The following UBAC2 variants were observed in gnomAD, a reference collection of about 807,000 sequenced individuals.
The protein encoded by UBAC2 is ubiquitin-associated domain-containing protein 2.
A neutral mutation model predicts 44.0 loss-of-function variants in UBAC2; 26 were observed. The ratio of observed to expected loss-of-function variants is 0.59; its 90% CI spans 0.43 to 0.82. The LOEUF is 0.82. Among genes scored for constraint, UBAC2 ranks in the 40% least tolerant of loss-of-function variants. The pLI is 0.00. For synonymous variants in UBAC2, 155 were observed against 154.3 expected (o/e 1.00, Z -0.04); for missense variants, 329 against 419.4 (o/e 0.78, Z 1.88).
At chr13:99,210,791 T>C (rs1185223201) in intron 1 of UBAC2, among the ~76,000 whole-genome samples, 1 of 152,134 alleles carries the variant, frequency 6.6e-6, no homozygotes, top group East Asian at 1.9e-4. Context: ...TTTATACTTG[T>C]AGTAGAGACG....
chr13:99,200,893 C>G lies in UBAC2; in HGVS notation c.-16C>G, dbSNP rs1181112131. 7.7e-7 allele frequency: 1 copy of G among 1,303,244 alleles called. No homozygotes were observed. The highest frequency in any genetic ancestry group is 9.8e-7 in the Non-Finnish European group (1 of 1,018,046). 80.7% of individuals were successfully genotyped at this position (1,303,244 alleles called of 1,614,324 possible). On this transcript the variant is annotated 5_prime_UTR_variant, in exon 1 of 9. Transcript: ENST00000403766. ...CCTCCCCCGGCGCCCTCTGGGGCTC[C>G]GAGCCCGGCGGGACCATGTTCACCA...
At chr13:99,223,542 G>GTTTT (rs145143990) in intron 1 of UBAC2, among the ~76,000 whole-genome samples, 17 of 62,436 alleles carry the variant, frequency 2.7e-4, no homozygotes, top group East Asian at 5.1e-4. Flanking sequence ...CTCTTTTTCT[G>GTTTT]TTTTTTTTTT....
chr13:99,356,350 A>G, intron 7 of UBAC2: 1 of 367,570 alleles, frequency 2.7e-6, no homozygotes, highest in South Asian at 2.2e-5. Context: ...CTAGAGCAAG[A>G]CAGAGGAAGA....
intron 7 of UBAC2, among the ~76,000 whole-genome samples, chr13:99,348,771 G>A (rs897993352): frequency 1.4e-4 from 22 of 152,204 alleles, no homozygotes; most frequent in African/African-American, 5.3e-4. Context: ...AGCGCTTTGG[G>A]AGGCCAAGGC....
At chr13:99,319,244 T>G (rs766947867) in intron 6 of UBAC2, among the ~76,000 whole-genome samples, 27 of 152,246 alleles carry the variant, frequency 1.8e-4, no homozygotes, top group Non-Finnish European at 3.4e-4. Flanking sequence ...GGAGTTTTAT[T>G]CTTCATCCAT....
At chr13:99,315,801 T>C (rs893476032) in intron 5 of UBAC2, among the ~76,000 whole-genome samples, 6 of 152,164 alleles carry the variant, frequency 3.9e-5, no homozygotes, top group African/African-American at 1.4e-4. Flanking sequence ...ATTGTAAATG[T>C]ATTTCTTGTT....
intron 4 of UBAC2, 88 bp downstream of exon 4, chr13:99,244,712 A>G (rs2043360596): frequency 1.3e-6 from 1 of 797,334 alleles, no homozygotes; most frequent in Non-Finnish European, 2.0e-6. Flanking sequence ...TCAGTAAAAT[A>G]ATATTTTAAA....
At chr13:99,223,542 G>GTTTTTTTTTTTTTTTTT (rs145143990) in intron 1 of UBAC2, among the ~76,000 whole-genome samples, 10 of 62,446 alleles carry the variant, frequency 1.6e-4, no homozygotes, top group East Asian at 5.1e-4. Context: ...CTCTTTTTCT[G>GTTTTTTTTTTTTTTTTT]TTTTTTTTTT....
intron 7 of UBAC2, among the ~76,000 whole-genome samples, chr13:99,350,058 C>T (rs2045058270): frequency 6.6e-6 from 1 of 152,200 alleles, no homozygotes; most frequent in Non-Finnish European, 1.5e-5. Flanking sequence ...AATGTCCCTT[C>T]AGCACCTGAC....
At chr13:99,383,714 C>G (rs1467774864) in intron 8 of UBAC2, among the ~76,000 whole-genome samples, 1 of 152,138 alleles carries the variant, frequency 6.6e-6, no homozygotes, top group African/African-American at 2.4e-5. Flanking sequence ...TAGTCCTCAC[C>G]CACTGAGTGG....
At chr13:99,273,886 T>G (rs935100160) in intron 4 of UBAC2, among the ~76,000 whole-genome samples, 2 of 151,844 alleles carry the variant, frequency 1.3e-5, no homozygotes, top group African/African-American at 2.4e-5. Context: ...TTTCCTGCTT[T>G]CTTTCTCTGT....
At chr13:99,333,100 G>A (rs1008989533) in intron 6 of UBAC2, among the ~76,000 whole-genome samples, 2 of 151,976 alleles carry the variant, frequency 1.3e-5, no homozygotes, top group Admixed American at 6.5e-5. Flanking sequence ...CGTCTCTGGG[G>A]GGGGAAGAAA....
chr13:99,292,771 T>G (rs1330981473), intron 4 of UBAC2, among the ~76,000 whole-genome samples: 3 of 151,948 alleles, frequency 2.0e-5, no homozygotes, highest in African/African-American at 7.3e-5. Context: ...TTTCCCAGAT[T>G]AGTTTTTCTA....
intron 4 of UBAC2, among the ~76,000 whole-genome samples, chr13:99,309,144 C>T (rs1362201257): frequency 6.6e-6 from 1 of 151,612 alleles, no homozygotes; most frequent in African/African-American, 2.4e-5. Flanking sequence ...GACAGAGTCT[C>T]GCTCTCACCA....
At chr13:99,373,854 A>G (rs2045443502) in intron 8 of UBAC2, among the ~76,000 whole-genome samples, 1 of 152,208 alleles carries the variant, frequency 6.6e-6, no homozygotes, top group South Asian at 2.1e-4. Flanking sequence ...ATCTTACACA[A>G]GAAACACCAT....
chr13:99,299,162 C>T (rs2044220147), intron 4 of UBAC2, among the ~76,000 whole-genome samples: 1 of 152,164 alleles, frequency 6.6e-6, no homozygotes, highest in Non-Finnish European at 1.5e-5. Context: ...CTGACTGCAT[C>T]ACCAAATAAG....
intron 2 of UBAC2, among the ~76,000 whole-genome samples, chr13:99,243,177 T>C (rs2043339888): frequency 6.6e-6 from 1 of 151,704 alleles, no homozygotes; most frequent in South Asian, 2.1e-4. Context: ...ATTGGGATTA[T>C]CTTTAAAAAT....
intron 4 of UBAC2, among the ~76,000 whole-genome samples, chr13:99,307,756 A>G (rs1055944325): frequency 3.3e-5 from 5 of 152,208 alleles, no homozygotes; most frequent in Admixed American, 1.3e-4. Flanking sequence ...TTTTGCATGT[A>G]AAAGTATGGG....
At chr13:99,297,058 G>A (rs551950709) in intron 4 of UBAC2, among the ~76,000 whole-genome samples, 2 of 152,280 alleles carry the variant, frequency 1.3e-5, no homozygotes, top group African/African-American at 4.8e-5. Flanking sequence ...ATATTCTACA[G>A]TCTTCCAATG....
Sources: gnomAD v4.1 joint callset for allele counts (sites outside exome capture counted in the v4.1 genomes callset) on GRCh38, gnomAD v4.1.1 for gene constraint, MANE v1.5 for transcripts, NCBI Gene and HGNC (gene_info 2026-07-23, HGNC 2026-07-21) for gene names.